FCHSD2: variants seen among roughly 807,000 people sequenced by gnomAD.
The protein encoded by FCHSD2 is F-BAR and double SH3 domains protein 2.
In FCHSD2, 38 loss-of-function variants were observed where a neutral mutation model predicts 108.1. That is an observed-to-expected ratio of 0.35 (90% CI 0.27 to 0.46). The LOEUF (loss-of-function observed/expected upper bound fraction) is 0.46, where lower values mean the gene tolerates loss of function less well. Ranked by LOEUF, FCHSD2 falls within the 20% of genes least tolerant of loss-of-function variation. The pLI is 1.00. For synonymous variants in FCHSD2, 279 were observed against 314.7 expected, an observed-to-expected ratio of 0.89 and a Z score of 1.20; for missense variants, 751 against 897.8, an observed-to-expected ratio of 0.84 and a Z score of 2.09.
At chr11:73,051,490 T>C (rs1352361735) in intron 3 of FCHSD2, among the ~76,000 whole-genome samples, 1 of 152,096 alleles carries the variant, frequency 6.6e-6, no homozygotes, top group Non-Finnish European at 1.5e-5. Context: ...AAAAGTTTAA[T>C]GGGCTTTCCT....
At chr11:73,125,489 G>T (rs572771423) in intron 2 of FCHSD2, among the ~76,000 whole-genome samples, 1 of 152,100 alleles carries the variant, frequency 6.6e-6, no homozygotes, top group East Asian at 1.9e-4. Context: ...GGGACTGCTT[G>T]AGCTCCACAG....
chr11:72,882,310 C>T (rs981086774), intron 12 of FCHSD2, among the ~76,000 whole-genome samples: 1 of 148,172 alleles, frequency 6.7e-6, no homozygotes, highest in Non-Finnish European at 1.5e-5. Flanking sequence ...GGCGTGGTGG[C>T]GTGTGCCACT....
At position 73,085,973 on chromosome 11, in the gene FCHSD2, C is replaced by G. The variant is rs193299512; in HGVS notation, c.120-2233G>C. Among the ~76,000 whole-genome samples the G allele has an allele frequency of 4.8e-3, 732 of 152,146 alleles. 4 individuals carry two copies. Among genetic ancestry groups the G allele is most frequent in the African/African-American group, 0.017 (710 of 41,498 alleles). On this transcript the variant is annotated intron_variant, in intron 2 of 19. Transcript: ENST00000409418. The stretch of plus-strand genomic sequence containing the variant: ...ATGGCAGATCTACTAAACAAAGATA[C>G]TAAAACAATGGTTTTAAAGATGTTC...
chr11:73,067,494 A>G (rs1444097814), intron 3 of FCHSD2, among the ~76,000 whole-genome samples: 3 of 152,064 alleles, frequency 2.0e-5, no homozygotes, highest in African/African-American at 4.8e-5. Flanking sequence ...AAAAAGAAAG[A>G]AAGAAAATAG....
At chr11:73,045,633 T>C (rs1193555144) in intron 3 of FCHSD2, among the ~76,000 whole-genome samples, 7 of 149,642 alleles carry the variant, frequency 4.7e-5, no homozygotes, top group Non-Finnish European at 8.9e-5. Flanking sequence ...ATGGATGAAA[T>C]TGGAAATCAT....
intron 2 of FCHSD2, among the ~76,000 whole-genome samples, chr11:73,091,802 G>A (rs1309039952): frequency 1.3e-5 from 2 of 152,082 alleles, no homozygotes; most frequent in East Asian, 3.9e-4. Context: ...TACTTTGGGA[G>A]GCCGAGGCAG....
intron 2 of FCHSD2, among the ~76,000 whole-genome samples, chr11:73,090,587 CT>C (rs1202198232): frequency 1.3e-5 from 2 of 152,150 alleles, no homozygotes; most frequent in Non-Finnish European, 1.5e-5. Context: ...AAAATGCCTA[CT>C]CTGGTTCCCT....
chr11:72,925,056 C>A (rs1225027753), intron 8 of FCHSD2, among the ~76,000 whole-genome samples: 5 of 151,388 alleles, frequency 3.3e-5, no homozygotes, highest in African/African-American at 1.2e-4. Context: ...GCATCATGAG[C>A]TCAAAAAAAA....
chr11:72,889,781 G>A (rs1855276137), intron 11 of FCHSD2, 48 bp downstream of exon 11: 2 of 1,035,374 alleles, frequency 1.9e-6, no homozygotes, highest in East Asian at 2.4e-5. Flanking sequence ...TAAACTGTTT[G>A]ACATTTGGCT....
intron 8 of FCHSD2, among the ~76,000 whole-genome samples, chr11:72,935,829 T>A (rs1040328378): frequency 2.6e-5 from 4 of 152,346 alleles, no homozygotes; most frequent in Admixed American, 2.6e-4. Context: ...AGGAAGTTTA[T>A]GTCTGTAAAT....
chr11:73,001,235 T>C (rs1187394949), intron 4 of FCHSD2, 101 bp from the exon 5 acceptor site: 3 of 934,266 alleles, frequency 3.2e-6, no homozygotes, highest in Non-Finnish European at 5.0e-6. Flanking sequence ...TAAATGAATG[T>C]CTTCTTTAAT....
chr11:73,018,439 T>C (rs1003817302), intron 3 of FCHSD2, among the ~76,000 whole-genome samples: 2 of 152,120 alleles, frequency 1.3e-5, no homozygotes, highest in African/African-American at 4.8e-5. Context: ...TATTTATGCA[T>C]AATCATCATA....
intron 3 of FCHSD2, among the ~76,000 whole-genome samples, chr11:73,040,783 A>C (rs1858616354): frequency 6.6e-6 from 1 of 152,214 alleles, no homozygotes; most frequent in Non-Finnish European, 1.5e-5. Flanking sequence ...GTTGTTGATT[A>C]CACTAATCCG....
At position 72,878,878 on chromosome 11, in the gene FCHSD2, G is replaced by A. The variant is rs545993573; in HGVS notation, c.1146+8592C>T. Among the ~76,000 whole-genome samples the A allele has an allele frequency of 2.0e-4, 31 of 152,082 alleles. No homozygotes were observed. The East Asian group carries it at 5.2e-3, about 26-fold the overall frequency. On this transcript the variant is annotated intron_variant, in intron 12 of 19. Transcript: ENST00000409418. ...TCCCAGCACTTTGGGAGGCCGAGGC[G>A]GGCAGATCACTTGAGGTCAGGAGTT...
At chr11:73,050,067 T>C (rs1858863395) in intron 3 of FCHSD2, among the ~76,000 whole-genome samples, 1 of 152,190 alleles carries the variant, frequency 6.6e-6, no homozygotes, top group South Asian at 2.1e-4. Context: ...AACTTTTCTG[T>C]AAAAGGCCAG....
intron 3 of FCHSD2, among the ~76,000 whole-genome samples, chr11:73,030,713 G>A (rs921381388): frequency 1.4e-4 from 21 of 152,090 alleles, no homozygotes; most frequent in African/African-American, 5.1e-4. Context: ...ATATATTTAA[G>A]ACGTACAACA....
intron 13 of FCHSD2, among the ~76,000 whole-genome samples, chr11:72,855,120 A>G (rs1861391260): frequency 6.6e-6 from 1 of 152,194 alleles, no homozygotes; most frequent in Non-Finnish European, 1.5e-5. Flanking sequence ...CTAAAAATAC[A>G]AAATTAGCCG....
intron 3 of FCHSD2, among the ~76,000 whole-genome samples, chr11:73,028,107 G>A (rs1486567934): frequency 6.6e-6 from 1 of 152,212 alleles, no homozygotes; most frequent in Non-Finnish European, 1.5e-5. Flanking sequence ...GCTCACAGGG[G>A]CACTGCCTAC....
At chr11:72,884,269 A>G (rs555124371) in intron 12 of FCHSD2, among the ~76,000 whole-genome samples, 55 of 152,254 alleles carry the variant, frequency 3.6e-4, no homozygotes, top group African/African-American at 1.3e-3. Flanking sequence ...TAACAAACAC[A>G]TAAAGCCAGT....
Sources: gnomAD v4.1 joint callset for allele counts (sites outside exome capture counted in the v4.1 genomes callset) on GRCh38, gnomAD v4.1.1 for gene constraint, MANE v1.5 for transcripts, NCBI Gene and HGNC (gene_info 2026-07-23, HGNC 2026-07-21) for gene names.